Variants in TMEM163 observed in about 807,000 individuals in gnomAD.
TMEM163 encodes transmembrane protein 163.
In TMEM163, 17 loss-of-function variants were observed where a neutral mutation model predicts 29.3. The ratio of observed to expected loss-of-function variants is 0.58; its 90% confidence interval spans 0.40 to 0.87. TMEM163 has a LOEUF of 0.87. Ranked by LOEUF, TMEM163 falls within the 40% of genes least tolerant of loss-of-function variation. The probability of loss-of-function intolerance (pLI) is 0.00; values close to 1 mark genes in which losing one functional copy is unlikely to be tolerated. For synonymous variants in TMEM163, 157 were observed against 160.6 expected (o/e 0.98, Z 0.17); for missense variants, 303 against 381.5 (o/e 0.79, Z 1.71).
At chr2:134,550,935 T>C (rs1680905762) in intron 3 of TMEM163, among the ~76,000 whole-genome samples, 2 of 152,162 alleles carry the variant, frequency 1.3e-5, no homozygotes, top group Admixed American at 1.3e-4. Flanking sequence ...AGTTCACTGT[T>C]CTGAAACACA....
chr2:134,703,063 T>C (rs1460311451), intron 2 of TMEM163, among the ~76,000 whole-genome samples: 1 of 152,210 alleles, frequency 6.6e-6, no homozygotes, highest in Non-Finnish European at 1.5e-5. Context: ...ATTTCAGGCT[T>C]TACATGGTTT....
intron 4 of TMEM163, among the ~76,000 whole-genome samples, chr2:134,539,060 C>A (rs1680603597): frequency 6.6e-6 from 1 of 152,108 alleles, no homozygotes; most frequent in Admixed American, 6.5e-5. Context: ...CTAAAAATAA[C>A]CCCCATGTAT....
At chr2:134,471,070 G>A (rs1404756838) in intron 5 of TMEM163, among the ~76,000 whole-genome samples, 1 of 152,218 alleles carries the variant, frequency 6.6e-6, no homozygotes, top group Non-Finnish European at 1.5e-5. Context: ...TACTCAGGAG[G>A]CTGAAGCAAG....
intron 2 of TMEM163, among the ~76,000 whole-genome samples, chr2:134,618,355 G>A (rs993238641): frequency 6.6e-6 from 1 of 152,064 alleles, no homozygotes; most frequent in Non-Finnish European, 1.5e-5. Flanking sequence ...AATACATAAG[G>A]AAGATATAAT....
chr2:134,574,832 G>T (rs1004779768), intron 2 of TMEM163, among the ~76,000 whole-genome samples: 6 of 152,202 alleles, frequency 3.9e-5, no homozygotes, highest in Non-Finnish European at 7.4e-5. Context: ...CTGCCTAAGG[G>T]CTCCCAGGTG....
At chr2:134,632,517 G>A (rs1682988369) in intron 2 of TMEM163, among the ~76,000 whole-genome samples, 1 of 152,198 alleles carries the variant, frequency 6.6e-6, no homozygotes, top group African/African-American at 2.4e-5. Flanking sequence ...TAATAGAAAT[G>A]TCTTATTCAC....
intron 2 of TMEM163, among the ~76,000 whole-genome samples, chr2:134,650,343 CA>C (rs887486474): frequency 1.3e-5 from 2 of 151,506 alleles, no homozygotes; most frequent in Admixed American, 6.6e-5. Flanking sequence ...ATTAAATAAG[CA>C]AAAAATTTAA....
chr2:134,525,552 A>G (rs956805863), intron 4 of TMEM163, among the ~76,000 whole-genome samples: 38 of 152,224 alleles, frequency 2.5e-4, no homozygotes, highest in Admixed American at 7.9e-4. Flanking sequence ...TTGTGACATT[A>G]TAAGTGTTGT....
intron 2 of TMEM163, among the ~76,000 whole-genome samples, chr2:134,579,862 G>T (rs765365502): frequency 2.0e-5 from 3 of 152,200 alleles, no homozygotes; most frequent in Admixed American, 6.5e-5. Flanking sequence ...GGTATTTCGT[G>T]CTGAAAACTT....
chr2:134,647,604 C>T (rs1350644401), intron 2 of TMEM163, among the ~76,000 whole-genome samples: 1 of 152,202 alleles, frequency 6.6e-6, no homozygotes, highest in Non-Finnish European at 1.5e-5. Context: ...CCCTACACAC[C>T]ACAGATACTA....
chr2:134,587,269 A>G (rs1453527517), intron 2 of TMEM163, among the ~76,000 whole-genome samples: 1 of 152,094 alleles, frequency 6.6e-6, no homozygotes, highest in African/African-American at 2.4e-5. Flanking sequence ...AAAATTAGCT[A>G]GGTATGGTGG....
At chr2:134,674,406 C>T (rs1684060263) in intron 2 of TMEM163, among the ~76,000 whole-genome samples, 1 of 138,368 alleles carries the variant, frequency 7.2e-6, no homozygotes, top group South Asian at 2.4e-4. Flanking sequence ...TGCAGTAGCA[C>T]AATCTCAGCT....
chr2:134,456,773 G>C lies in TMEM163; in HGVS notation c.813C>G (p.Leu271=). Residue 271 remains leucine, a synonymous_variant, in exon 8 of 8, where the codon CTC becomes CTG. Transcript: ENST00000281924. ...TCACCCTCGGCACCATGTCGATGAG[G>C]AGTCTGCAAAGACGAAGACAGACAA... ...GLTIFAYGVK[L]LIDMVPRVRQ... is the part of the protein sequence containing the mutation. 6.2e-7 allele frequency: 1 copy of C among 1,613,734 alleles called. No individual in the cohort carries two copies. The highest frequency in any genetic ancestry group is 1.1e-5 in the South Asian group (1 of 90,896).
At chr2:134,511,631 T>C (rs1679952048) in intron 4 of TMEM163, among the ~76,000 whole-genome samples, 1 of 152,082 alleles carries the variant, frequency 6.6e-6, no homozygotes, top group African/African-American at 2.4e-5. Context: ...CAGGCTCCCA[T>C]GAGATCCAAG....
intron 5 of TMEM163, chr2:134,470,030 A>G (rs1686761172): frequency 6.6e-6 from 1 of 152,276 alleles, no homozygotes; most frequent in South Asian, 2.1e-4. Flanking sequence ...CATCACTTAG[A>G]GGGGTTTGCT....
chr2:134,584,132 G>A (rs564364410), intron 2 of TMEM163, among the ~76,000 whole-genome samples: 1 of 152,276 alleles, frequency 6.6e-6, no homozygotes, highest in South Asian at 2.1e-4. Context: ...AAATGATAAA[G>A]CAAGCACATC....
intron 2 of TMEM163, among the ~76,000 whole-genome samples, chr2:134,604,264 G>A (rs922934222): frequency 3.9e-5 from 6 of 152,132 alleles, no homozygotes; most frequent in African/African-American, 1.2e-4. Flanking sequence ...TGGGGATGCC[G>A]AATGTCCATC....
At chr2:134,673,690 T>C (rs1343261063) in intron 2 of TMEM163, among the ~76,000 whole-genome samples, 1 of 152,080 alleles carries the variant, frequency 6.6e-6, no homozygotes, top group Non-Finnish European at 1.5e-5. Flanking sequence ...ATTGGAGTGA[T>C]GTAATTGCTG....
chr2:134,693,623 A>C (rs1330544888), intron 2 of TMEM163, among the ~76,000 whole-genome samples: 1 of 151,828 alleles, frequency 6.6e-6, no homozygotes, highest in Non-Finnish European at 1.5e-5. Context: ...AAAAAAAAAA[A>C]AAAAAAACCT....
Sources: gnomAD v4.1 joint callset for allele counts (sites outside exome capture counted in the v4.1 genomes callset) on GRCh38, gnomAD v4.1.1 for gene constraint, MANE v1.5 for transcripts, NCBI Gene and HGNC (gene_info 2026-07-23, HGNC 2026-07-21) for gene names.